The following CST8 variants were observed in gnomAD, a reference collection of about 807,000 sequenced individuals.
The protein encoded by CST8 is cystatin-8.
Under a neutral mutation model 11.8 loss-of-function variants are expected in CST8, and 20 were observed. That is an observed-to-expected ratio of 1.70 (90% CI 1.20 to 2.47). CST8 has a LOEUF of 2.47. Among genes scored for constraint, CST8 ranks in the 30% most tolerant of loss-of-function variants. The pLI is 0.00. For synonymous variants in CST8, 77 were observed against 63.1 expected (o/e 1.22, Z -1.05); for missense variants, 196 against 167.2 (o/e 1.17, Z -0.95).
chr20:23,502,659 C>T, the CST8 span, among the ~76,000 whole-genome samples: 3 of 152,186 alleles, frequency 2.0e-5, no homozygotes, highest in East Asian at 1.9e-4. Flanking sequence ...TTTACTGTAA[C>T]TTCCGAGCAA....
chr20:23,493,222 C>A, intron 3 of CST8, 151 bp downstream of exon 3: 1 of 627,622 alleles, frequency 1.6e-6, no homozygotes, highest in East Asian at 2.7e-5. Flanking sequence ...GCAGAAGATC[C>A]AGGGCCACGG....
At chr20:23,493,418 C>T (rs538664888) in intron 3 of CST8, among the ~76,000 whole-genome samples, 1 of 152,334 alleles carries the variant, frequency 6.6e-6, no homozygotes, top group South Asian at 2.1e-4. Context: ...TTGCTGGGCC[C>T]ATGGTCACTC....
In CST8 at chr20:23,492,675, G is replaced by A. The variant is rs1987924861; in HGVS notation, c.232-283G>A. 1.3e-5 allele frequency among the ~76,000 whole-genome samples: 2 copies of A among 152,236 alleles called. 1 individual carries two copies. Among genetic ancestry groups the A allele is most frequent in the South Asian group, 4.1e-4 (2 of 4,820 alleles). ...AGCATGCAGCATGCCCTGGGCTTGG[G>A]GACAGGAAATGGAATGAGAAGGCCT... On this transcript the variant is annotated intron_variant, in intron 2 of 3. Transcript: ENST00000246012.
intron 3 of CST8, 54 bp downstream of exon 3, chr20:23,493,125 A>G: frequency 1.8e-6 from 2 of 1,103,096 alleles, no homozygotes; most frequent in South Asian, 2.5e-5. Flanking sequence ...AACCCAAGAG[A>G]GAAAGCTGAG....
chr20:23,493,948 A>ACTG (rs376455443), intron 3 of CST8, among the ~76,000 whole-genome samples: 1 of 151,788 alleles, frequency 6.6e-6, no homozygotes, highest in African/African-American at 2.4e-5. Flanking sequence ...GAGTGGTGCT[A>ACTG]CTGCTGCTGC....
chr20:23,503,164 G>A, the CST8 span, among the ~76,000 whole-genome samples: 3 of 152,148 alleles, frequency 2.0e-5, no homozygotes, highest in African/African-American at 7.2e-5. Context: ...ACATCAGGTA[G>A]CATGCACAAA....
intron 3 of CST8, among the ~76,000 whole-genome samples, chr20:23,495,549 A>C (rs1330215650): frequency 6.6e-6 from 1 of 152,202 alleles, no homozygotes; most frequent in African/African-American, 2.4e-5. Context: ...AATTAAACAT[A>C]ATGTCAAGTT....
chr20:23,491,776 C>A lies in CST8; in HGVS notation c.109C>A (p.Pro37Thr). 1 of 1,614,106 alleles carries A rather than the reference C, an allele frequency of 6.2e-7. No homozygotes were observed. The highest frequency in any genetic ancestry group is 1.7e-5 in the Admixed American group (1 of 60,016). Residue 37 changes from proline to threonine, a missense_variant, in exon 2 of 4, where the codon CCC becomes ACC. Pro to Thr is a conservative substitution (Grantham distance 38). Coordinates refer to ENST00000246012, the MANE Select transcript of CST8 (RefSeq NM_005492.4). ...NETGVLRKLK[P>T]VNASNANVKQ... ...GACAGGGGTGCTGAGGAAATTAAAA[C>A]CCGTCAATGCCTCAAATGCCAACGT...
downstream of CST8, among the ~76,000 whole-genome samples, chr20:23,500,769 G>T (rs1290715310): frequency 5.1e-4 from 73 of 144,408 alleles, no homozygotes; most frequent in Non-Finnish European, 3.8e-4. Context: ...GGGTGGGGGG[G>T]TGCAGGTGAA....
At chr20:23,501,458 C>CG in the CST8 span, among the ~76,000 whole-genome samples, 1 of 152,216 alleles carries the variant, frequency 6.6e-6, no homozygotes, top group East Asian at 1.9e-4. Flanking sequence ...CATCCCGTGT[C>CG]GGGTCCCCGC....
Position 23,491,610 on chromosome 20 carries a change from A to C in CST8, c.-58A>C. The C allele has an allele frequency of 7.2e-7, 1 of 1,387,524 alleles. No homozygotes were observed. The highest frequency in any genetic ancestry group is 1.4e-5 in the African/African-American group (1 of 70,082). 86.0% of individuals were successfully genotyped at this position (1,387,524 alleles called of 1,614,324 possible). The stretch of plus-strand genomic sequence containing the variant: ...GCTGCGGCCACCCCATCCTGCCCAC[A>C]GCTCCAGCCCTGAGACGACGAGGAG... On this transcript the variant is annotated 5_prime_UTR_variant, in exon 2 of 4. Coordinates refer to ENST00000246012, the MANE Select transcript of CST8 (RefSeq NM_005492.4).
rs892600741 is a variant in CST8, at chr20:23,495,735, C to T, written c.346-96C>T. On this transcript the variant is annotated intron_variant, in intron 3 of 3. Transcript: ENST00000246012. Reference sequence around the variant, plus strand: ...TGGTGACCCATCTGTCAGCACACACCTAAACTGACACCTAGCAACAGGACA... The same window carrying T: ...TGGTGACCCATCTGTCAGCACACACTTAAACTGACACCTAGCAACAGGACA... 4.2e-6 allele frequency: 4 copies of T among 945,100 alleles called. No individual in the cohort carries two copies. The African/African-American group carries it at 5.0e-5, about 12-fold the overall frequency. The allele number at this position is 945,100 out of a possible 1,614,324, so 58.5% of individuals were successfully genotyped here.
chr20:23,505,717 C>T, the CST8 span, among the ~76,000 whole-genome samples: 1 of 152,298 alleles, frequency 6.6e-6, no homozygotes, highest in South Asian at 2.1e-4. Context: ...ATTAGACTTG[C>T]TGCACAGATG....
At position 23,495,906 on chromosome 20, in the gene CST8, G is replaced by A. The variant is rs1181165344; in HGVS notation, c.421G>A (p.Asp141Asn). 1.2e-6 allele frequency: 2 copies of A among 1,610,796 alleles called. No individual in the cohort carries two copies. Among genetic ancestry groups the A allele is most frequent in the Non-Finnish European group, 1.7e-6 (2 of 1,178,762 alleles). ...EFTVMEKKCE[D>N]A ...CACTGTGATGGAGAAAAAGTGTGAA[G>A]ATGCTTAATGGTGTTTTGAGGCATC... is the stretch of plus-strand genomic sequence containing the variant. Residue 141 changes from aspartate (D) to asparagine (N), a missense_variant, in exon 4 of 4, where the codon GAT becomes AAT. By Grantham distance (23) the Asp-to-Asn change is conservative. Coordinates refer to ENST00000246012, the MANE Select transcript of CST8 (RefSeq NM_005492.4).
At chr20:23,503,400 C>G in the CST8 span, among the ~76,000 whole-genome samples, 1 of 152,084 alleles carries the variant, frequency 6.6e-6, no homozygotes, top group Non-Finnish European at 1.5e-5. Context: ...ATACACTGAA[C>G]AGCTGCTAAT....
chr20:23,500,529 G>T (rs1469216942), downstream of CST8, among the ~76,000 whole-genome samples: 1 of 152,206 alleles, frequency 6.6e-6, no homozygotes, highest in Non-Finnish European at 1.5e-5. Context: ...GGCAAGAGGG[G>T]TGGGCCTGGG....
chr20:23,495,448 C>T (rs1233218121), intron 3 of CST8, among the ~76,000 whole-genome samples: 2 of 152,158 alleles, frequency 1.3e-5, no homozygotes, highest in Non-Finnish European at 2.9e-5. Flanking sequence ...TTGTCCACAA[C>T]CTTGCCAATA....
At chr20:23,494,403 A>G (rs1987980828) in intron 3 of CST8, among the ~76,000 whole-genome samples, 1 of 152,218 alleles carries the variant, frequency 6.6e-6, no homozygotes, top group Non-Finnish European at 1.5e-5. Flanking sequence ...TTTGTCAATA[A>G]TAAAAACTTT....
chr20:23,495,271 A>G (rs147263337), intron 3 of CST8, among the ~76,000 whole-genome samples: 124 of 152,264 alleles, frequency 8.1e-4, no homozygotes, highest in African/African-American at 2.8e-3. Context: ...GCTGCAGTGA[A>G]CATACATGTG....
Sources: gnomAD v4.1 joint callset for allele counts (sites outside exome capture counted in the v4.1 genomes callset) on GRCh38, gnomAD v4.1.1 for gene constraint, MANE v1.5 for transcripts, NCBI Gene and HGNC (gene_info 2026-07-23, HGNC 2026-07-21) for gene names.